The following UBE4A variants were observed in gnomAD, a reference collection of about 807,000 sequenced individuals.
UBE4A encodes the protein ubiquitination factor E4A, also known as ubiquitin conjugation factor E4 A.
A neutral mutation model predicts 117.9 loss-of-function variants in UBE4A; 48 were observed. That is an observed-to-expected ratio of 0.41 (90% CI 0.32 to 0.52). The LOEUF (loss-of-function observed/expected upper bound fraction) is 0.52. Ranked by LOEUF, UBE4A falls within the 20% of genes least tolerant of loss-of-function variation. The pLI is 0.33. For missense variants in UBE4A, 1,067 were observed against 1,296.3 expected (o/e 0.82, Z 2.72); for synonymous variants, 407 against 450.0 (o/e 0.90, Z 1.21).
chr11:118,380,284 A>G (rs1555126119), intron 11 of UBE4A, among the ~76,000 whole-genome samples: 1 of 151,966 alleles, frequency 6.6e-6, no homozygotes. Context: ...CCCAAAACAT[A>G]GCAGCTTAAA....
rs5795126 is a variant in UBE4A at position 118,396,547 on chromosome 11, CTT to C, written c.*124_*125del. 35,061 of 792,832 alleles carry C rather than the reference CTT, an allele frequency of 0.044. No homozygotes were observed. Among genetic ancestry groups the C allele is most frequent in the Non-Finnish European group, 0.048 (28,073 of 589,082 alleles). The allele number at this position is 792,832 out of a possible 1,614,324, so 49.1% of individuals were successfully genotyped here. A position where few individuals can be genotyped will look rare whatever the true frequency, so the allele number is the denominator to read the frequency against. ...TCCTTTTCTTTCTTCTTTTCTTTTT[CTT>C]TTTTTTTTTTTTTTTTACTAAATTA... On this transcript the variant is annotated 3_prime_UTR_variant, in exon 20 of 20. Transcript: ENST00000252108.
At chr11:118,392,694 C>G in intron 18 of UBE4A, 44 bp from the exon 19 acceptor site, 1 of 1,581,706 alleles carries the variant, frequency 6.3e-7, no homozygotes, top group Non-Finnish European at 8.6e-7. Context: ...CTGAATTCAG[C>G]TACACTGTGA....
At chr11:118,380,975 A>G (rs868940600) in intron 11 of UBE4A, among the ~76,000 whole-genome samples, 1 of 152,194 alleles carries the variant, frequency 6.6e-6, no homozygotes, top group Non-Finnish European at 1.5e-5. Context: ...GAAAGAGTGA[A>G]TGTGGGAGGG....
intron 10 of UBE4A, 68 bp from the exon 11 acceptor site, chr11:118,379,378 T>C (rs1948679732): frequency 2.0e-6 from 3 of 1,482,348 alleles, no homozygotes; most frequent in South Asian, 2.5e-5. Context: ...AGATAAATAA[T>C]TGAGGATTTG....
intron 2 of UBE4A, 104 bp from the exon 3 acceptor site, chr11:118,368,527 A>G (rs1948582976): frequency 2.3e-6 from 3 of 1,296,432 alleles, no homozygotes; most frequent in South Asian, 2.8e-5. Context: ...AGCTTGTTTT[A>G]CATCTGAAAT....
intron 15 of UBE4A, 96 bp downstream of exon 15, chr11:118,385,041 C>A: frequency 9.1e-7 from 1 of 1,103,490 alleles, no homozygotes; most frequent in Non-Finnish European, 1.3e-6. Context: ...TAGAGCAGTC[C>A]TTATGCCCCT....
chr11:118,370,968 T>C (rs1480889103), intron 4 of UBE4A, among the ~76,000 whole-genome samples: 1 of 152,122 alleles, frequency 6.6e-6, no homozygotes, highest in Non-Finnish European at 1.5e-5. Context: ...CCCAGACACC[T>C]CCCACTAGCC....
chr11:118,379,789 CT>C, intron 11 of UBE4A, 39 bp downstream of exon 11: 1 of 1,572,542 alleles, frequency 6.4e-7, no homozygotes, highest in South Asian at 1.2e-5. Flanking sequence ...TGTTTATAGC[CT>C]TCTGAGTTTA....
chr11:118,379,384 A>G, intron 10 of UBE4A, 62 bp from the exon 11 acceptor site: 2 of 1,505,222 alleles, frequency 1.3e-6, no homozygotes, highest in South Asian at 1.2e-5. Flanking sequence ...ATAATTGAGG[A>G]TTTGTTTTTT....
intron 12 of UBE4A, among the ~76,000 whole-genome samples, chr11:118,381,885 G>A (rs1948708318): frequency 6.6e-6 from 1 of 152,188 alleles, no homozygotes; most frequent in South Asian, 2.1e-4. Context: ...ATTCTGAGTT[G>A]GATGAGCAGT....
At position 118,390,821 on chromosome 11, in the gene UBE4A, A is replaced by G. The variant is rs1206435854; in HGVS notation, c.2916+17A>G. The G allele has an allele frequency of 5.6e-6, 9 of 1,607,596 alleles. No homozygotes were observed. The highest frequency in any genetic ancestry group is 2.2e-5 in the South Asian group (2 of 90,956). On this transcript the variant is annotated intron_variant, in intron 18 of 19. Coordinates refer to ENST00000252108, the MANE Select transcript of UBE4A (RefSeq NM_001204077.2). Reference sequence around the variant, plus strand: ...AGAATCAAGGTGAGGAAGAGGAGGAATTGTTTGCTGATTTCATTAAGAACC... The same window carrying G: ...AGAATCAAGGTGAGGAAGAGGAGGAGTTGTTTGCTGATTTCATTAAGAACC...
At chr11:118,387,856 C>G (rs1948773654) in intron 16 of UBE4A, among the ~76,000 whole-genome samples, 1 of 152,106 alleles carries the variant, frequency 6.6e-6, no homozygotes, top group Admixed American at 6.5e-5. Context: ...AAAGGAGATT[C>G]CCAGGATGAC....
At chr11:118,382,834 T>G (rs558625971) in intron 13 of UBE4A, 58 bp downstream of exon 13, 1 of 1,421,044 alleles carries the variant, frequency 7.0e-7, no homozygotes, top group South Asian at 1.6e-5. Context: ...TGGAGTTTCA[T>G]AGTTTGATCC....
At chr11:118,393,367 A>T (rs1429499651) in intron 19 of UBE4A, among the ~76,000 whole-genome samples, 4 of 152,144 alleles carry the variant, frequency 2.6e-5, no homozygotes, top group African/African-American at 7.2e-5. Flanking sequence ...CAATGAGCCG[A>T]GATCGCACCA....
intron 17 of UBE4A, 73 bp downstream of exon 17, chr11:118,389,978 G>A: frequency 2.2e-6 from 3 of 1,370,528 alleles, no homozygotes; most frequent in Non-Finnish European, 2.9e-6. Context: ...TAGAATGACT[G>A]GTTGGTAATT....
intron 8 of UBE4A, 134 bp from the exon 9 acceptor site, chr11:118,374,762 A>G (rs1160826406): frequency 3.9e-6 from 3 of 775,328 alleles, no homozygotes; most frequent in Non-Finnish European, 5.6e-6. Flanking sequence ...AAATCAAATT[A>G]GGGGATGAGG....
intron 9 of UBE4A, among the ~76,000 whole-genome samples, chr11:118,376,131 A>G (rs1410778536): frequency 6.6e-6 from 1 of 152,168 alleles, no homozygotes; most frequent in East Asian, 1.9e-4. Context: ...AGGGAGGAAG[A>G]TAGGTGGGGC....
At chr11:118,371,714 A>T in intron 5 of UBE4A, 48 bp downstream of exon 5, 1 of 1,553,038 alleles carries the variant, frequency 6.4e-7, no homozygotes, top group Non-Finnish European at 8.7e-7. Flanking sequence ...CTTGGGTATG[A>T]CTTCAGCATG....
At chr11:118,396,245 TTC>T in intron 19 of UBE4A, 67 bp from the exon 20 acceptor site, 1 of 1,545,628 alleles carries the variant, frequency 6.5e-7, no homozygotes, top group Non-Finnish European at 8.7e-7. Context: ...CGCCCAGGTG[TTC>T]TGTTTTTGGC....
Sources: gnomAD v4.1 joint callset for allele counts (sites outside exome capture counted in the v4.1 genomes callset) on GRCh38, gnomAD v4.1.1 for gene constraint, MANE v1.5 for transcripts, NCBI Gene and HGNC (gene_info 2026-07-23, HGNC 2026-07-21) for gene names.